RBFOX1: variants seen among roughly 807,000 people sequenced by gnomAD.
RBFOX1 encodes the protein RNA binding protein fox-1 homolog 1.
Under a neutral mutation model 57.7 loss-of-function variants are expected in RBFOX1, and 8 were observed. The observed-to-expected ratio is 0.14, with a 90% confidence interval of 0.08 to 0.25. The LOEUF (loss-of-function observed/expected upper bound fraction) is 0.25, where lower values mean the gene tolerates loss of function less well. RBFOX1 is among the 10% of genes least tolerant of loss of function. RBFOX1 has a pLI of 1.00. For missense variants in RBFOX1, 611 were observed against 548.5 expected (o/e 1.11, Z -1.14); for synonymous variants, 326 against 222.4 (o/e 1.47, Z -4.15).
At chr16:7,522,609 A>C (rs918937462) in intron 5 of RBFOX1, among the ~76,000 whole-genome samples, 1 of 152,206 alleles carries the variant, frequency 6.6e-6, no homozygotes, top group Non-Finnish European at 1.5e-5. Flanking sequence ...ATTGCATCTG[A>C]GAAGCAAAGA....
At chr16:5,586,003 C>T (rs1355039392) in intron 2 of RBFOX1, among the ~76,000 whole-genome samples, 6 of 152,258 alleles carry the variant, frequency 3.9e-5, no homozygotes, top group East Asian at 1.9e-4. Flanking sequence ...AGATTATCTT[C>T]CCCTAAATCC....
In RBFOX1 at chr16:6,213,854, T is replaced by C. The variant is rs2097314309; in HGVS notation, c.-126-103141T>C. 2.0e-5 allele frequency among the ~76,000 whole-genome samples: 3 copies of C among 152,182 alleles called. No individual in the cohort carries two copies. In the South Asian group the frequency reaches 6.2e-4, roughly 32 times the overall value. ...ACATTTGGAACTGGACAGTTCTTTG[T>C]TATGGGAGGGGATGGGGTCAGGGGA... On this transcript the variant is annotated intron_variant, in intron 1 of 15. Coordinates refer to ENST00000550418, the MANE Select transcript of RBFOX1 (RefSeq NM_018723.4).
At chr16:6,589,923 C>T (rs1469738166) in intron 2 of RBFOX1, among the ~76,000 whole-genome samples, 1 of 152,150 alleles carries the variant, frequency 6.6e-6, no homozygotes. Flanking sequence ...TCAACTCCAC[C>T]TGTAGCTACA....
chr16:5,465,460 G>A (rs1036032944), intron 1 of RBFOX1, among the ~76,000 whole-genome samples: 2 of 152,134 alleles, frequency 1.3e-5, no homozygotes, highest in African/African-American at 4.8e-5. Context: ...TGTGGGGCGG[G>A]GTGCAGTTCA....
intron 3 of RBFOX1, among the ~76,000 whole-genome samples, chr16:7,027,041 C>T (rs2041170618): frequency 6.6e-6 from 1 of 152,146 alleles, no homozygotes; most frequent in Admixed American, 6.6e-5. Context: ...TCCATTCTCC[C>T]TGAACAATAG....
chr16:5,264,060 C>A (rs755923931), intron 1 of RBFOX1, among the ~76,000 whole-genome samples: 6 of 151,966 alleles, frequency 3.9e-5, no homozygotes, highest in Non-Finnish European at 8.8e-5. Context: ...GAGCACATTA[C>A]AAGAAGAAGG....
chr16:6,636,113 G>C (rs894389785), intron 2 of RBFOX1, among the ~76,000 whole-genome samples: 6 of 152,126 alleles, frequency 3.9e-5, no homozygotes, highest in Admixed American at 2.0e-4. Context: ...TTTTCCACTT[G>C]TGGCATCACC....
intron 1 of RBFOX1, among the ~76,000 whole-genome samples, chr16:5,438,377 G>A (rs1283061985): frequency 1.3e-5 from 2 of 152,158 alleles, no homozygotes; most frequent in Admixed American, 6.5e-5. Flanking sequence ...TTGAGCATCT[G>A]CTTTGTGCCA....
chr16:5,382,948 C>A (rs2066166281), intron 1 of RBFOX1, among the ~76,000 whole-genome samples: 2 of 152,186 alleles, frequency 1.3e-5, no homozygotes, highest in African/African-American at 4.8e-5. Context: ...TTTCAGACCC[C>A]AGTGTGCACA....
At chr16:5,383,752 A>T (rs528135514) in intron 1 of RBFOX1, among the ~76,000 whole-genome samples, 1 of 152,222 alleles carries the variant, frequency 6.6e-6, no homozygotes. Flanking sequence ...AGAGGACCTC[A>T]GCCATTCCCT....
chr16:7,510,860 G>T (rs369049368), intron 4 of RBFOX1, among the ~76,000 whole-genome samples: 1 of 152,120 alleles, frequency 6.6e-6, no homozygotes, highest in Non-Finnish European at 1.5e-5. Flanking sequence ...GGGCTGTGTG[G>T]GCATATGTGA....
intron 1 of RBFOX1, among the ~76,000 whole-genome samples, chr16:6,140,120 A>G (rs1330312850): frequency 2.0e-5 from 3 of 151,866 alleles, no homozygotes; most frequent in Admixed American, 6.6e-5. Context: ...TTCTTACACC[A>G]TCTTTGTTAA....
At chr16:6,583,559 G>A (rs1246990906) in intron 2 of RBFOX1, among the ~76,000 whole-genome samples, 1 of 152,148 alleles carries the variant, frequency 6.6e-6, no homozygotes, top group Non-Finnish European at 1.5e-5. Flanking sequence ...TTGGGATTGG[G>A]GAGAGCATCT....
At chr16:6,954,127 C>T (rs112578796) in intron 3 of RBFOX1, among the ~76,000 whole-genome samples, 4,576 of 152,046 alleles carry the variant, frequency 0.03, 86 homozygotes, top group Non-Finnish European at 0.047. Context: ...CCTTTGCAGG[C>T]GTATTGGAAG....
intron 5 of RBFOX1, among the ~76,000 whole-genome samples, chr16:7,524,588 C>T (rs2063091): frequency 0.86 from 130,107 of 152,168 alleles, 56,399 homozygotes; most frequent in South Asian, 0.93. Context: ...TCTGTTGAAA[C>T]GGCTCCCACC....
chr16:5,802,936 A>G lies in RBFOX1; in HGVS notation c.319-64367A>G, dbSNP rs535613570. Among the ~76,000 whole-genome samples the G allele has an allele frequency of 7.7e-4, 117 of 152,332 alleles. 1 individual carries two copies. The highest frequency in any genetic ancestry group is 9.7e-4 in the East Asian group (5 of 5,170). The stretch of plus-strand genomic sequence containing the variant: ...GAGCATTTACTCCATTTCAGGCAAT[A>G]TGCTTGTCTTGAACTTTACCAGGAT... On this transcript the variant is annotated intron_variant, in intron 3 of 19. Coordinates refer to the RBFOX1 transcript ENST00000641259.
At chr16:6,130,547 A>G (rs1439883811) in intron 1 of RBFOX1, among the ~76,000 whole-genome samples, 1 of 152,186 alleles carries the variant, frequency 6.6e-6, no homozygotes, top group Non-Finnish European at 1.5e-5. Flanking sequence ...CACCAAGTGC[A>G]AGTGGACTAA....
intron 1 of RBFOX1, among the ~76,000 whole-genome samples, chr16:5,354,539 C>T (rs1555498363): frequency 1.3e-5 from 2 of 152,188 alleles, no homozygotes; most frequent in Non-Finnish European, 2.9e-5. Flanking sequence ...ATGTGGGGCC[C>T]AGCAGAGAAG....
chr16:5,896,649 C>T (rs770793441), intron 4 of RBFOX1, among the ~76,000 whole-genome samples: 6 of 152,118 alleles, frequency 3.9e-5, no homozygotes, highest in Non-Finnish European at 7.4e-5. Flanking sequence ...GTTATATCAA[C>T]ATAGAATGGA....
Sources: gnomAD v4.1 joint callset for allele counts (sites outside exome capture counted in the v4.1 genomes callset) on GRCh38, gnomAD v4.1.1 for gene constraint, MANE v1.5 for transcripts, NCBI Gene and HGNC (gene_info 2026-07-23, HGNC 2026-07-21) for gene names.